The following SMYD3 variants were observed in gnomAD, a reference collection of about 807,000 sequenced individuals.
SMYD3 encodes histone-lysine N-methyltransferase SMYD3.
Under a neutral mutation model 57.7 loss-of-function variants are expected in SMYD3, and 36 were observed. The ratio of observed to expected loss-of-function variants is 0.62; its 90% CI spans 0.48 to 0.82. The LOEUF (loss-of-function observed/expected upper bound fraction) is 0.82. SMYD3 is among the 40% of genes least tolerant of loss of function. The probability of loss-of-function intolerance (pLI) is 0.00; values close to 1 mark genes in which losing one functional copy is unlikely to be tolerated. For synonymous variants in SMYD3, 211 were observed against 195.0 expected, an observed-to-expected ratio of 1.08 and a Z score of -0.68; for missense variants, 515 against 538.8, an observed-to-expected ratio of 0.96 and a Z score of 0.44.
chr1:245,959,995 C>T (rs549994128), intron 5 of SMYD3, among the ~76,000 whole-genome samples: 53 of 152,202 alleles, frequency 3.5e-4, no homozygotes, highest in African/African-American at 1.3e-3. Context: ...GCCCAAGCTG[C>T]TCTCAAACTC....
At chr1:246,121,454 G>T (rs80230209) in intron 5 of SMYD3, among the ~76,000 whole-genome samples, 3 of 89,670 alleles carry the variant, frequency 3.3e-5, no homozygotes, top group Admixed American at 2.4e-4. Flanking sequence ...AAAAAAAAAA[G>T]CTTTCCTAAT....
intron 5 of SMYD3, among the ~76,000 whole-genome samples, chr1:246,080,058 C>T (rs766108912): frequency 2.0e-5 from 3 of 152,168 alleles, no homozygotes; most frequent in Non-Finnish European, 4.4e-5. Context: ...GGGCTCTACA[C>T]CAAAACTCGA....
At position 246,236,180 on chromosome 1, in the gene SMYD3, A is replaced by G. The variant is rs533962284; in HGVS notation, c.531+91021T>C. On this transcript the variant is annotated intron_variant, in intron 5 of 11. Coordinates refer to ENST00000490107, the MANE Select transcript of SMYD3 (RefSeq NM_001167740.2). ...TTTTAAAAGACATTTAATTCTTAAT[A>G]AAGAAATATTATGATAAATAAGTAT... 3.3e-5 allele frequency among the ~76,000 whole-genome samples: 5 copies of G among 151,396 alleles called. No individual in the cohort carries two copies. In the East Asian group the frequency reaches 1.0e-3, roughly 31 times the overall value.
chr1:246,225,531 G>C (rs2063318467), intron 5 of SMYD3, among the ~76,000 whole-genome samples: 3 of 152,200 alleles, frequency 2.0e-5, no homozygotes, highest in South Asian at 4.2e-4. Context: ...TTCAGAAGTT[G>C]TGCACAAGTG....
intron 5 of SMYD3, among the ~76,000 whole-genome samples, chr1:246,120,768 G>T (rs2148023440): frequency 6.6e-6 from 1 of 152,196 alleles, no homozygotes; most frequent in South Asian, 2.1e-4. Context: ...CATCCCTCCT[G>T]TGTGTTTCCA....
At chr1:246,095,906 A>G (rs753676158) in intron 5 of SMYD3, among the ~76,000 whole-genome samples, 6 of 152,112 alleles carry the variant, frequency 3.9e-5, no homozygotes, top group Non-Finnish European at 8.8e-5. Flanking sequence ...ATAAAGGAGA[A>G]ATGGCCTGAA....
intron 1 of SMYD3, among the ~76,000 whole-genome samples, chr1:246,414,412 A>G (rs757094594): frequency 6.6e-6 from 1 of 152,218 alleles, no homozygotes; most frequent in Non-Finnish European, 1.5e-5. Flanking sequence ...AATCAGCCAC[A>G]TGGGACACAG....
intron 1 of SMYD3, among the ~76,000 whole-genome samples, chr1:246,395,477 G>A (rs543554083): frequency 7.2e-5 from 11 of 152,262 alleles, no homozygotes; most frequent in African/African-American, 2.2e-4. Flanking sequence ...TCATCCTCAC[G>A]GGTTCTCTTA....
intron 1 of SMYD3, among the ~76,000 whole-genome samples, chr1:246,371,751 TA>T (rs1287935210): frequency 2.0e-5 from 3 of 152,204 alleles, no homozygotes; most frequent in Admixed American, 1.3e-4. Context: ...TTCTCTCTCT[TA>T]CTTCCTCCAA....
At chr1:246,225,165 A>G (rs544411842) in intron 5 of SMYD3, among the ~76,000 whole-genome samples, 1 of 151,886 alleles carries the variant, frequency 6.6e-6, no homozygotes, top group Non-Finnish European at 1.5e-5. Context: ...CTCAGGACTC[A>G]GCCTTTCATA....
At chr1:246,396,668 A>G (rs77539949) in intron 1 of SMYD3, among the ~76,000 whole-genome samples, 10,476 of 152,252 alleles carry the variant, frequency 0.069, 399 homozygotes, top group Middle Eastern at 0.2. Flanking sequence ...CTGGTGGGGC[A>G]CGACTGAATC....
At chr1:246,353,563 A>C (rs2065866322) in intron 2 of SMYD3, among the ~76,000 whole-genome samples, 3 of 152,142 alleles carry the variant, frequency 2.0e-5, no homozygotes. Flanking sequence ...CAAAAGAATA[A>C]TACAATATAT....
intron 5 of SMYD3, among the ~76,000 whole-genome samples, chr1:245,942,912 A>G (rs920558005): frequency 6.6e-6 from 1 of 152,200 alleles, no homozygotes; most frequent in Non-Finnish European, 1.5e-5. Context: ...TTGAGGCAGA[A>G]ATGAAGAAGT....
intron 8 of SMYD3, among the ~76,000 whole-genome samples, chr1:245,877,497 G>A (rs1214664666): frequency 6.6e-6 from 1 of 152,228 alleles, no homozygotes; most frequent in Non-Finnish European, 1.5e-5. Context: ...GAAGGCGGAA[G>A]GTGTTAGGTA....
In SMYD3 at chr1:246,435,897, G is replaced by A. The variant is rs1046140286; in HGVS notation, c.164+71157C>T. 6.6e-5 allele frequency among the ~76,000 whole-genome samples: 10 copies of A among 151,450 alleles called. No individual in the cohort carries two copies. The Admixed American group carries it at 6.6e-4, about 10-fold the overall frequency. ...GTGGCATTTGAATTTCCCTCTATTA[G>A]AGTTTTTGCTACATTTCCCTGAAGG... On this transcript the variant is annotated intron_variant, in intron 1 of 11. Coordinates refer to ENST00000490107, the MANE Select transcript of SMYD3 (RefSeq NM_001167740.2).
chr1:246,029,673 G>GCAAAAAAAAAAAAAAAA, intron 5 of SMYD3, among the ~76,000 whole-genome samples: 1 of 88,154 alleles, frequency 1.1e-5, no homozygotes, highest in Non-Finnish European at 2.6e-5. Context: ...CTCTGTCTCA[G>GCAAAAAAAAAAAAAAAA]AAAAAAAAAA....
At chr1:246,251,110 C>A (rs2063791688) in intron 5 of SMYD3, among the ~76,000 whole-genome samples, 1 of 152,132 alleles carries the variant, frequency 6.6e-6, no homozygotes, top group African/African-American at 2.4e-5. Context: ...CATGTCATTT[C>A]CTAATGTAAA....
At position 246,083,887 on chromosome 1, in the gene SMYD3, G is replaced by A. The variant is rs375373598; in HGVS notation, c.532-153950C>T. Among the ~76,000 whole-genome samples the A allele has an allele frequency of 1.6e-4, 25 of 152,122 alleles. No homozygotes were observed. In the East Asian group the frequency reaches 2.9e-3, roughly 18 times the overall value. On this transcript the variant is annotated intron_variant, in intron 5 of 11. Transcript: ENST00000490107. Reference sequence around the variant, plus strand: ...AGAATCATATAACTCATTATAAACCGAAACCAAACGAAATGAAAGACTTTA... The same window carrying A: ...AGAATCATATAACTCATTATAAACCAAAACCAAACGAAATGAAAGACTTTA...
intron 8 of SMYD3, among the ~76,000 whole-genome samples, chr1:245,891,422 G>A (rs1200302731): frequency 6.6e-6 from 1 of 152,146 alleles, no homozygotes; most frequent in Non-Finnish European, 1.5e-5. Context: ...AAAGAGGATT[G>A]GTCTCTTGGG....
Sources: allele counts gnomAD v4.1 joint callset (sites outside exome capture counted in the v4.1 genomes callset), GRCh38; gene constraint gnomAD v4.1.1; transcripts MANE v1.5; gene names NCBI Gene and HGNC (gene_info 2026-07-23, HGNC 2026-07-21).